The following NUP214 variants were observed in gnomAD, a reference collection of about 807,000 sequenced individuals.
The protein encoded by NUP214 is nuclear pore complex protein Nup214.
A neutral mutation model predicts 196.2 loss-of-function variants in NUP214; 79 were observed. That is an observed-to-expected ratio of 0.40 (90% CI 0.34 to 0.49). The LOEUF (loss-of-function observed/expected upper bound fraction) is 0.49, where lower values mean the gene tolerates loss of function less well. Ranked by LOEUF, NUP214 falls within the 20% of genes least tolerant of loss-of-function variation. NUP214 has a pLI of 0.58. For synonymous variants in NUP214, 1,020 were observed against 990.5 expected (o/e 1.03, Z -0.56); for missense variants, 2,468 against 2,539.0 (o/e 0.97, Z 0.60).
chr9:131,130,249 T>C lies in NUP214; in HGVS notation c.593-517T>C, dbSNP rs1365758953. 2.8e-5 allele frequency among the ~76,000 whole-genome samples: 4 copies of C among 140,882 alleles called. No individual in the cohort carries two copies. In the Admixed American group the frequency reaches 3.2e-4, roughly 11 times the overall value. The allele number at this position is 140,882 out of a possible 152,430, so 92.4% of individuals were successfully genotyped here. On this transcript the variant is annotated intron_variant, in intron 4 of 35. Coordinates refer to ENST00000359428, the MANE Select transcript of NUP214 (RefSeq NM_005085.4). Reference sequence around the variant, plus strand: ...ACCTCCACCTGCTGGGTTCAAGCAATTCTCTTGCCTCAGACTCCAGAGTAG... The same window carrying C: ...ACCTCCACCTGCTGGGTTCAAGCAACTCTCTTGCCTCAGACTCCAGAGTAG...
chr9:131,193,629 C>CTTTTTTTTTTTT (rs71389402), intron 27 of NUP214, among the ~76,000 whole-genome samples: 908 of 28,194 alleles, frequency 0.032, 280 homozygotes, highest in Non-Finnish European at 0.034. Flanking sequence ...TCTTCCTTTT[C>CTTTTTTTTTTTT]TTTTTTTTTT....
chr9:131,196,772 A>G (rs748126444), intron 28 of NUP214, among the ~76,000 whole-genome samples: 10 of 152,172 alleles, frequency 6.6e-5, no homozygotes, highest in Admixed American at 3.3e-4. Context: ...TTTTCTGTGG[A>G]CTGACACTTT....
At chr9:131,207,644 G>A (rs1330448022) in intron 30 of NUP214, among the ~76,000 whole-genome samples, 1 of 152,194 alleles carries the variant, frequency 6.6e-6, no homozygotes, top group Non-Finnish European at 1.5e-5. Flanking sequence ...GGTTCAAGAG[G>A]AGATACAGAG....
intron 5 of NUP214, among the ~76,000 whole-genome samples, chr9:131,131,496 G>A (rs962853241): frequency 1.3e-5 from 2 of 152,196 alleles, no homozygotes; most frequent in African/African-American, 4.8e-5. Flanking sequence ...ACTGTTCTCT[G>A]GCGAGGAGGG....
chr9:131,185,210 TACACA>T (rs531187404), intron 24 of NUP214, among the ~76,000 whole-genome samples: 49 of 152,334 alleles, frequency 3.2e-4, no homozygotes, highest in African/African-American at 1.2e-3. Context: ...GTGTGTAGAG[TACACA>T]TCCATGGAAC....
At chr9:131,196,240 C>A (rs1314363551) in intron 28 of NUP214, among the ~76,000 whole-genome samples, 5 of 151,962 alleles carry the variant, frequency 3.3e-5, no homozygotes, top group African/African-American at 9.7e-5. Flanking sequence ...TTCACTGCAA[C>A]CCCCACCTGC....
chr9:131,211,340 G>A (rs1834235685), intron 30 of NUP214, among the ~76,000 whole-genome samples: 1 of 152,146 alleles, frequency 6.6e-6, no homozygotes, highest in South Asian at 2.1e-4. Context: ...TCTTGAATTA[G>A]GACCAAATAA....
intron 31 of NUP214, among the ~76,000 whole-genome samples, chr9:131,216,236 T>G (rs918610045): frequency 6.0e-5 from 9 of 150,682 alleles, no homozygotes; most frequent in Non-Finnish European, 1.0e-4. Flanking sequence ...TTTTCTTTTT[T>G]CTTTTTGAGA....
Position 131,127,622 on chromosome 9 carries a change from T to C in NUP214, c.144T>C (p.Tyr48=), listed in dbSNP as rs1831403026. The C allele has an allele frequency of 3.7e-6, 6 of 1,614,144 alleles. No homozygotes were observed. The highest frequency in any genetic ancestry group is 5.1e-6 in the Non-Finnish European group (6 of 1,179,982). Residue 48 remains tyrosine (Y), a synonymous_variant, in exon 2 of 36, where the codon TAT becomes TAC. Transcript: ENST00000359428. ...RSSLLAVSNK[Y]GLVFAGGASG... ...GTCTGCTTGCTGTGTCCAACAAATA[T>C]GGTCTGGTCTTCGCTGGTGGAGCCA...
rs1157368664 is a variant in NUP214 at position 131,192,310 on chromosome 9, G to A, written c.3659+18G>A. ...CCATCAGGGTCAGTAATGAACTTAA[G>A]TTTTATGGCAAATTACTAGCAATTA... On this transcript the variant is annotated intron_variant, in intron 27 of 35. Transcript: ENST00000359428. 3 of 1,462,730 alleles carry A rather than the reference G, an allele frequency of 2.1e-6. No homozygotes were observed. Among genetic ancestry groups the A allele is most frequent in the Non-Finnish European group, 2.8e-6 (3 of 1,065,738 alleles). 90.6% of individuals were successfully genotyped at this position (1,462,730 alleles called of 1,614,324 possible).
At chr9:131,152,363 C>T (rs1211893370) in intron 17 of NUP214, among the ~76,000 whole-genome samples, 1 of 152,164 alleles carries the variant, frequency 6.6e-6, no homozygotes, top group Non-Finnish European at 1.5e-5. Context: ...TCAAGCAGTC[C>T]TCCTGCCTTG....
At chr9:131,169,685 C>T (rs1359837895) in intron 21 of NUP214, among the ~76,000 whole-genome samples, 2 of 152,100 alleles carry the variant, frequency 1.3e-5, no homozygotes, top group Non-Finnish European at 2.9e-5. Flanking sequence ...AAGGGGCCAG[C>T]TGGAGAATAG....
chr9:131,147,641 A>G (rs1170379104), intron 14 of NUP214, 57 bp downstream of exon 14: 8 of 1,219,402 alleles, frequency 6.6e-6, no homozygotes, highest in Non-Finnish European at 9.7e-6. Flanking sequence ...CCCCAAGCAT[A>G]CCTATGAATA....
chr9:131,228,017 A>G lies in NUP214; in HGVS notation c.5903-143A>G. The G allele has an allele frequency of 6.8e-6, 5 of 731,132 alleles. No homozygotes were observed. In the South Asian group the frequency reaches 7.0e-5, roughly 10 times the overall value. The allele number at this position is 731,132 out of a possible 1,614,324, so 45.3% of individuals were successfully genotyped here. Reference sequence around the variant, plus strand: ...GAGGGGGGGTGTTGCCCTTTACTCTAGTTCTTGCATTTGAATTGCTAACAT... The same window carrying G: ...GAGGGGGGGTGTTGCCCTTTACTCTGGTTCTTGCATTTGAATTGCTAACAT... On this transcript the variant is annotated intron_variant, in intron 32 of 35. Transcript: ENST00000359428.
chr9:131,198,457 T>C lies in NUP214; in HGVS notation c.4963T>C (p.Ser1655Pro), dbSNP rs930030824. Residue 1655 changes from serine to proline, a missense_variant, in exon 29 of 36, where the codon TCA (serine) becomes CCA (proline). Around this residue, in one of 5 missense-constraint regions of NUP214, gnomAD observed 1,801 missense variants for 1,779.4 expected, o/e 1.01. Transcript: ENST00000359428. Reference protein sequence around the residue: ...FAQPPAASSSSAFNQLTNNTA... With the variant: ...FAQPPAASSSPAFNQLTNNTA... The stretch of plus-strand genomic sequence containing the variant: ...TCAGCCTCCTGCTGCCAGTTCTAGC[T>C]CAGCTTTCAACCAGCTCACCAACAA... The C allele has an allele frequency of 8.1e-6, 13 of 1,614,106 alleles. No homozygotes were observed. Among genetic ancestry groups the C allele is most frequent in the Non-Finnish European group, 1.1e-5 (13 of 1,180,044 alleles).
chr9:131,222,551 CA>C (rs889936104), intron 31 of NUP214: 10 of 418,552 alleles, frequency 2.4e-5, no homozygotes, highest in African/African-American at 2.0e-4. Context: ...AAAATCATGC[CA>C]GGAAATCCTG....
chr9:131,183,921 T>C (rs974658113), intron 24 of NUP214, among the ~76,000 whole-genome samples: 3 of 152,022 alleles, frequency 2.0e-5, no homozygotes, highest in African/African-American at 7.2e-5. Context: ...TGTAAATTTG[T>C]AACCTTTTCA....
chr9:131,166,047 A>C (rs569543380), intron 21 of NUP214, among the ~76,000 whole-genome samples: 18 of 152,220 alleles, frequency 1.2e-4, no homozygotes, highest in Non-Finnish European at 1.9e-4. Flanking sequence ...TGATGATTAC[A>C]CAACAATGTG....
chr9:131,225,242 G>A (rs1315154427), intron 32 of NUP214, among the ~76,000 whole-genome samples: 7 of 151,558 alleles, frequency 4.6e-5, no homozygotes, highest in South Asian at 2.1e-4. Context: ...GCAAAAACCC[G>A]TCTCTACAAA....
Sources: allele counts gnomAD v4.1 joint callset (sites outside exome capture counted in the v4.1 genomes callset), GRCh38; gene constraint gnomAD v4.1.1; regional missense constraint gnomAD v4.1.1; transcripts MANE v1.5; gene names NCBI Gene and HGNC (gene_info 2026-07-23, HGNC 2026-07-21).